PCDH11X: variants seen among roughly 807,000 people sequenced by gnomAD.
PCDH11X encodes the protein protocadherin-11 X-linked.
Under a neutral mutation model 53.3 loss-of-function variants are expected in PCDH11X, and 18 were observed. The observed-to-expected ratio is 0.34, with a 90% confidence interval of 0.23 to 0.50. The LOEUF is 0.50. Ranked by LOEUF, PCDH11X falls within the 20% of genes least tolerant of loss-of-function variation. The probability of loss-of-function intolerance (pLI) is 0.98; values close to 1 mark genes in which losing one functional copy is unlikely to be tolerated. For synonymous variants in PCDH11X, 279 were observed against 393.3 expected (o/e 0.71, Z 3.44); for missense variants, 570 against 1,032.4 (o/e 0.55, Z 6.14).
chrX:92,442,288 A>G (rs2072532773), intron 9 of PCDH11X, among the ~76,000 whole-genome samples: 1 of 109,728 alleles, frequency 9.1e-6, no homozygotes, highest in Non-Finnish European at 1.9e-5. Context: ...TTTAAATATG[A>G]GGACATGAGA....
chrX:92,065,647 T>G (rs1418115115), intron 6 of PCDH11X, among the ~76,000 whole-genome samples: 2 of 112,046 alleles, frequency 1.8e-5, no homozygotes, highest in Non-Finnish European at 3.8e-5. Flanking sequence ...GTTTGCCATT[T>G]CATGTTTTCT....
At chrX:92,298,398 A>T (rs2068653626) in intron 8 of PCDH11X, among the ~76,000 whole-genome samples, 1 of 111,535 alleles carries the variant, frequency 9.0e-6, no homozygotes, top group African/African-American at 3.3e-5. Flanking sequence ...ATCTTTTGAG[A>T]TACAAATGAG....
intron 7 of PCDH11X, among the ~76,000 whole-genome samples, chrX:92,217,693 C>A (rs1275416758): frequency 9.5e-6 from 1 of 105,401 alleles, no homozygotes; most frequent in Non-Finnish European, 2.0e-5. Context: ...CAGCTCTGCA[C>A]CAAGTGGACC....
At chrX:91,793,186 G>T (rs1342273586) in intron 1 of PCDH11X, among the ~76,000 whole-genome samples, 6 of 108,434 alleles carry the variant, frequency 5.5e-5, no homozygotes, top group Admixed American at 5.0e-4. Context: ...TTTAACATAT[G>T]AGGAAAGAGG....
At chrX:92,605,531 G>A (rs1926695011) in intron 10 of PCDH11X, among the ~76,000 whole-genome samples, 1 of 111,711 alleles carries the variant, frequency 9.0e-6, no homozygotes, top group Middle Eastern at 5.0e-3. Context: ...AAAGAAAGAA[G>A]TAGAATTATC....
intron 6 of PCDH11X, among the ~76,000 whole-genome samples, chrX:92,126,168 C>T (rs35091664): frequency 9.1e-6 from 1 of 110,493 alleles, no homozygotes; most frequent in Non-Finnish European, 1.9e-5. Flanking sequence ...TTATAAACTG[C>T]GTTTTCTGAT....
intron 6 of PCDH11X, among the ~76,000 whole-genome samples, chrX:91,976,621 G>C (rs1324050366): frequency 2.7e-5 from 3 of 111,620 alleles, no homozygotes; most frequent in Non-Finnish European, 5.6e-5. Flanking sequence ...TTGTCACTCA[G>C]CCCTGCAGAT....
chrX:92,422,134 C>CTTTTTTTTTTT (rs67131959), intron 9 of PCDH11X, among the ~76,000 whole-genome samples: 2 of 86,329 alleles, frequency 2.3e-5, no homozygotes, highest in African/African-American at 4.3e-5. Context: ...AATTTCTTTT[C>CTTTTTTTTTTT]TTTTTTTTTT....
At position 92,290,807 on chromosome X, in the gene PCDH11X, G is replaced by C. The variant is rs777796320; in HGVS notation, c.3144+27664G>C. On this transcript the variant is annotated intron_variant, in intron 8 of 10. Coordinates refer to ENST00000682573, the MANE Select transcript of PCDH11X (RefSeq NM_032968.5). The stretch of plus-strand genomic sequence containing the variant: ...ATGCACCACCATGTATTTCTTTTAA[G>C]TAACAAGATTTATAATTACAAGATT... Among the ~76,000 whole-genome samples, 285 of 103,652 alleles carry C rather than the reference G, an allele frequency of 2.7e-3. 2 individuals carry two copies. The highest frequency in any genetic ancestry group is 9.7e-3 in the African/African-American group (276 of 28,363). 90.0% of individuals were successfully genotyped at this position (103,652 alleles called of 115,157 possible). A position where few individuals can be genotyped will look rare whatever the true frequency, so the allele number is the denominator to read the frequency against.
chrX:92,610,354 A>C (rs1245466630), intron 10 of PCDH11X, among the ~76,000 whole-genome samples: 3 of 109,702 alleles, frequency 2.7e-5, no homozygotes, highest in Non-Finnish European at 5.7e-5. Context: ...AAGAATGATG[A>C]GGAATTTTTT....
At chrX:92,474,212 T>A (rs137858377) in intron 10 of PCDH11X, among the ~76,000 whole-genome samples, 19,293 of 110,551 alleles carry the variant, frequency 0.17, 1,688 homozygotes, top group Non-Finnish European at 0.27. Context: ...AATGACTTTC[T>A]TTGTCTCATA....
At chrX:92,403,635 A>G (rs1463682696) in intron 9 of PCDH11X, among the ~76,000 whole-genome samples, 1 of 110,493 alleles carries the variant, frequency 9.1e-6, no homozygotes, top group Non-Finnish European at 1.9e-5. Context: ...AGTTTCCCAG[A>G]AGGCTTTTAA....
At chrX:92,096,494 AAT>A (rs1270696228) in intron 6 of PCDH11X, among the ~76,000 whole-genome samples, 1 of 101,000 alleles carries the variant, frequency 9.9e-6, no homozygotes, top group Non-Finnish European at 2.0e-5. Flanking sequence ...GCTATATATG[AAT>A]ATATACACAT....
At chrX:91,845,833 G>A (rs1223788151) in intron 5 of PCDH11X, among the ~76,000 whole-genome samples, 4 of 109,996 alleles carry the variant, frequency 3.6e-5, no homozygotes, top group South Asian at 3.9e-4. Context: ...ACTAGTTTAC[G>A]TGTAAGGTAA....
intron 6 of PCDH11X, among the ~76,000 whole-genome samples, chrX:92,030,996 A>G (rs1453594475): frequency 1.8e-5 from 2 of 110,001 alleles, no homozygotes; most frequent in Non-Finnish European, 3.8e-5. Context: ...TTTGGGGTAT[A>G]TATGCAGCAG....
chrX:92,039,302 C>A (rs2063175214), intron 6 of PCDH11X, among the ~76,000 whole-genome samples: 1 of 112,080 alleles, frequency 8.9e-6, no homozygotes, highest in Non-Finnish European at 1.9e-5. Flanking sequence ...TTCTTCAGGG[C>A]AGCAAGTTTT....
At chrX:92,210,018 C>A (rs1179153501) in intron 7 of PCDH11X, among the ~76,000 whole-genome samples, 1 of 110,724 alleles carries the variant, frequency 9.0e-6, no homozygotes, top group African/African-American at 3.3e-5. Flanking sequence ...GGTGCCATGT[C>A]CTAAGGCTGC....
intron 5 of PCDH11X, among the ~76,000 whole-genome samples, chrX:91,858,251 A>G (rs978189985): frequency 4.5e-5 from 5 of 110,365 alleles, no homozygotes; most frequent in Admixed American, 9.7e-5. Context: ...TGCACAAAGC[A>G]GCAAGGCCCT....
chrX:92,226,176 A>G (rs2066967589), intron 7 of PCDH11X, among the ~76,000 whole-genome samples: 1 of 111,876 alleles, frequency 8.9e-6, no homozygotes. Context: ...CAGTTTAACA[A>G]GAGAAAAGCA....
Sources: gnomAD v4.1 joint callset for allele counts (sites outside exome capture counted in the v4.1 genomes callset) on GRCh38, gnomAD v4.1.1 for gene constraint, MANE v1.5 for transcripts, NCBI Gene and HGNC (gene_info 2026-07-23, HGNC 2026-07-21) for gene names.